The following TSC22D1 variants were observed in gnomAD, a reference collection of about 807,000 sequenced individuals.
TSC22D1 encodes the protein TSC22 domain family member 1.
A neutral mutation model predicts 74.2 loss-of-function variants in TSC22D1; 9 were observed. The ratio of observed to expected loss-of-function variants is 0.12; its 90% CI spans 0.07 to 0.21. The LOEUF (loss-of-function observed/expected upper bound fraction) is 0.21, where lower values mean the gene tolerates loss of function less well. Ranked by LOEUF, TSC22D1 falls within the 10% of genes least tolerant of loss-of-function variation. The pLI, the probability that TSC22D1 is intolerant of heterozygous loss-of-function variation, is 1.00. For synonymous variants in TSC22D1, 586 were observed against 492.5 expected (o/e 1.19, Z -2.51); for missense variants, 1,427 against 1,304.7 (o/e 1.09, Z -1.44).
chr13:44,434,296 T>G lies in TSC22D1; in HGVS notation c.*330A>C. The G allele has an allele frequency of 1.5e-6, 2 of 1,373,784 alleles. No individual in the cohort carries two copies. The highest frequency in any genetic ancestry group is 3.0e-5 in the East Asian group (1 of 33,796). 85.1% of individuals were successfully genotyped at this position (1,373,784 alleles called of 1,614,324 possible). A position where few individuals can be genotyped will look rare whatever the true frequency, so the allele number is the denominator to read the frequency against. On this transcript the variant is annotated 3_prime_UTR_variant, in exon 3 of 3. Transcript: ENST00000458659. ...AAGCAGGAGAGAGAACCCTTGGAAG[T>G]GAGGGGTAGGGAGCCGGAAGGGATG...
At chr13:44,568,707 C>A (rs1029218104) in intron 1 of TSC22D1, among the ~76,000 whole-genome samples, 2 of 152,010 alleles carry the variant, frequency 1.3e-5, no homozygotes, top group Non-Finnish European at 1.5e-5. Context: ...TCAAGACTTA[C>A]CAGACATCTA....
At chr13:44,576,743 G>C (rs1403586876), upstream of TSC22D1, among the ~76,000 whole-genome samples, 3 of 151,366 alleles carry the variant, frequency 2.0e-5, no homozygotes, top group African/African-American at 7.3e-5. Flanking sequence ...CTGCGAGCGG[G>C]GCGGCGGCGA....
intron 1 of TSC22D1, among the ~76,000 whole-genome samples, chr13:44,535,882 T>G (rs1242174750): frequency 3.9e-5 from 6 of 151,942 alleles, no homozygotes; most frequent in African/African-American, 1.4e-4. Context: ...TTGCAATATT[T>G]TTCAGGTTTC....
At chr13:44,565,312 G>C (rs991382674) in intron 1 of TSC22D1, among the ~76,000 whole-genome samples, 6 of 152,146 alleles carry the variant, frequency 3.9e-5, no homozygotes, top group African/African-American at 1.4e-4. Context: ...GGCCAGAAGA[G>C]TGGGAAGAAA....
chr13:44,514,879 TAAAAG>T (rs758381005), intron 1 of TSC22D1, among the ~76,000 whole-genome samples: 2 of 151,758 alleles, frequency 1.3e-5, no homozygotes, highest in Non-Finnish European at 2.9e-5. Context: ...AATAAATAAA[TAAAAG>T]AAGTTTAAAG....
intron 1 of TSC22D1, among the ~76,000 whole-genome samples, chr13:44,448,510 G>A (rs1875864991): frequency 6.6e-6 from 1 of 152,178 alleles, no homozygotes; most frequent in Non-Finnish European, 1.5e-5. Flanking sequence ...GCTCCAGAAT[G>A]TCTAATGTAG....
At chr13:44,560,392 A>C (rs1882961492) in intron 1 of TSC22D1, among the ~76,000 whole-genome samples, 2 of 152,238 alleles carry the variant, frequency 1.3e-5, no homozygotes, top group African/African-American at 4.8e-5. Flanking sequence ...CTTAGTACCT[A>C]ATATGTCATT....
intron 1 of TSC22D1, chr13:44,537,375 T>C: frequency 1.0e-6 from 1 of 985,168 alleles, no homozygotes; most frequent in Non-Finnish European, 1.2e-6. Flanking sequence ...GAAATGCACT[T>C]ACATTTCCTT....
intron 1 of TSC22D1, among the ~76,000 whole-genome samples, chr13:44,558,711 G>C (rs1216519293): frequency 6.6e-6 from 1 of 152,170 alleles, no homozygotes. Context: ...CTGCACTCCA[G>C]CCTGGGTGAC....
At chr13:44,532,078 T>C (rs1037526033) in intron 1 of TSC22D1, among the ~76,000 whole-genome samples, 2 of 152,222 alleles carry the variant, frequency 1.3e-5, no homozygotes, top group Admixed American at 1.3e-4. Flanking sequence ...CACAATTTAA[T>C]ATACAATTTA....
intron 1 of TSC22D1, among the ~76,000 whole-genome samples, chr13:44,550,005 C>T (rs1882123039): frequency 6.6e-6 from 1 of 152,110 alleles, no homozygotes; most frequent in South Asian, 2.1e-4. Context: ...CAGCTATTTC[C>T]ACTTTCCAAA....
intron 1 of TSC22D1, among the ~76,000 whole-genome samples, chr13:44,569,385 A>G (rs969083260): frequency 6.6e-6 from 1 of 152,188 alleles, no homozygotes; most frequent in Non-Finnish European, 1.5e-5. Flanking sequence ...TAATCATCTA[A>G]AAGAGGTGAA....
intron 1 of TSC22D1, chr13:44,437,218 G>C (rs749843865): frequency 3.0e-6 from 3 of 985,430 alleles, no homozygotes; most frequent in Non-Finnish European, 3.6e-6. Context: ...TGTGTCCCGC[G>C]GCTGCTTAAC....
At chr13:44,576,755 G>A (rs900550497), upstream of TSC22D1, among the ~76,000 whole-genome samples, 1 of 151,278 alleles carries the variant, frequency 6.6e-6, no homozygotes, top group Non-Finnish European at 1.5e-5. Context: ...CGGCGGCGAG[G>A]CGCCCGGTAC....
intron 1 of TSC22D1, among the ~76,000 whole-genome samples, chr13:44,465,298 C>T (rs1325160757): frequency 6.6e-6 from 1 of 152,082 alleles, no homozygotes; most frequent in Non-Finnish European, 1.5e-5. Flanking sequence ...TTGTCTTTAC[C>T]CCCGAAGACT....
rs114655319 is a variant in TSC22D1, at chr13:44,445,855, A to G, written c.2913-9760T>C. On this transcript the variant is annotated intron_variant, in intron 1 of 2. Coordinates refer to ENST00000458659, the MANE Select transcript of TSC22D1 (RefSeq NM_183422.4). ...ACACACCTATCAGAATAGCTAAAAT[A>G]TAGTTTAAATTTTAAACCTGAAAAT... Among the ~76,000 whole-genome samples, 170 of 152,350 alleles carry G rather than the reference A, an allele frequency of 1.1e-3. 1 individual carries two copies. The highest frequency in any genetic ancestry group is 4.0e-3 in the African/African-American group (165 of 41,590).
intron 1 of TSC22D1, among the ~76,000 whole-genome samples, chr13:44,516,788 C>T (rs1436675047): frequency 1.3e-5 from 2 of 152,110 alleles, no homozygotes; most frequent in African/African-American, 4.8e-5. Context: ...CTGTAATTCC[C>T]TTCATTTCTC....
intron 1 of TSC22D1, among the ~76,000 whole-genome samples, chr13:44,541,996 A>T (rs9533900): frequency 0.087 from 13,269 of 152,110 alleles, 743 homozygotes; most frequent in Non-Finnish European, 0.12. Flanking sequence ...TCTTTTTCAT[A>T]TAGTAATAGC....
intron 1 of TSC22D1, among the ~76,000 whole-genome samples, chr13:44,455,534 T>C (rs1183613877): frequency 6.6e-6 from 1 of 152,202 alleles, no homozygotes; most frequent in Admixed American, 6.5e-5. Flanking sequence ...CTAAACTAGT[T>C]TCTTCAAGAA....
Sources: gnomAD v4.1 joint callset for allele counts (sites outside exome capture counted in the v4.1 genomes callset) on GRCh38, gnomAD v4.1.1 for gene constraint, MANE v1.5 for transcripts, NCBI Gene and HGNC (gene_info 2026-07-23, HGNC 2026-07-21) for gene names.